The following MKLN1 variants were observed in gnomAD, a reference collection of about 807,000 sequenced individuals.
MKLN1 encodes the protein muskelin.
A neutral mutation model predicts 99.0 loss-of-function variants in MKLN1; 18 were observed. That is an observed-to-expected ratio of 0.18 (90% CI 0.13 to 0.27). MKLN1 has a LOEUF of 0.27. Among genes scored for constraint, MKLN1 ranks in the 10% least tolerant of loss-of-function variants. MKLN1 has a pLI of 1.00. For missense variants in MKLN1, 621 were observed against 875.9 expected, an observed-to-expected ratio of 0.71 and a Z score of 3.67; for synonymous variants, 288 against 293.2, an observed-to-expected ratio of 0.98 and a Z score of 0.18.
chr7:131,221,720 C>T (rs1797063227), intron 3 of MKLN1, among the ~76,000 whole-genome samples: 1 of 148,632 alleles, frequency 6.7e-6, no homozygotes, highest in Non-Finnish European at 1.5e-5. Flanking sequence ...GGGGTTTCAC[C>T]ATGTTGACCA....
intron 1 of MKLN1, among the ~76,000 whole-genome samples, chr7:131,353,705 AGATTT>A (rs1241898394): frequency 6.6e-6 from 1 of 151,680 alleles, no homozygotes; most frequent in East Asian, 1.9e-4. Flanking sequence ...TAGACCGTGA[AGATTT>A]TGTCTTATGT....
At chr7:131,215,293 A>G (rs1204693760) in intron 3 of MKLN1, among the ~76,000 whole-genome samples, 1 of 152,160 alleles carries the variant, frequency 6.6e-6, no homozygotes, top group Non-Finnish European at 1.5e-5. Context: ...AGTGATCCAC[A>G]CACCTCAGCC....
chr7:131,127,549 G>T (rs1040537771), intron 1 of MKLN1, among the ~76,000 whole-genome samples: 1 of 152,206 alleles, frequency 6.6e-6, no homozygotes, highest in African/African-American at 2.4e-5. Context: ...TGGAGACAGG[G>T]GATATGTGTT....
chr7:131,299,878 A>C (rs1438653580), intron 3 of MKLN1, among the ~76,000 whole-genome samples: 3 of 152,220 alleles, frequency 2.0e-5, no homozygotes, highest in Non-Finnish European at 4.4e-5. Flanking sequence ...CTAAAAATAG[A>C]ATGCTATAAA....
chr7:131,144,627 A>G (rs1795790852), intron 2 of MKLN1, among the ~76,000 whole-genome samples: 1 of 152,068 alleles, frequency 6.6e-6, no homozygotes, highest in African/African-American at 2.4e-5. Flanking sequence ...GGTTACAAGT[A>G]CATTTTTGAG....
At chr7:131,285,674 C>A (rs932757249) in intron 3 of MKLN1, among the ~76,000 whole-genome samples, 1 of 152,124 alleles carries the variant, frequency 6.6e-6, no homozygotes, top group Admixed American at 6.5e-5. Flanking sequence ...TCTGTAGATA[C>A]AATAGGGCTG....
At chr7:131,343,192 T>C (rs946383166) in intron 1 of MKLN1, among the ~76,000 whole-genome samples, 1 of 152,224 alleles carries the variant, frequency 6.6e-6, no homozygotes, top group African/African-American at 2.4e-5. Flanking sequence ...ATTTCTTGAA[T>C]GTAGGAATTT....
In MKLN1 at chr7:131,471,118, T is replaced by C; in HGVS notation, c.2031+174T>C. ...AAATAAAAATTGAATAGGCATGTTTTCGTGTGATAAGATTCAAGTCACCAA... is the reference window on the plus strand; with the variant it reads ...AAATAAAAATTGAATAGGCATGTTTCCGTGTGATAAGATTCAAGTCACCAA... On this transcript the variant is annotated intron_variant, in intron 16 of 17. Coordinates refer to ENST00000352689, the MANE Select transcript of MKLN1 (RefSeq NM_013255.5). 5.7e-6 allele frequency: 3 copies of C among 522,854 alleles called. No individual in the cohort carries two copies. In the South Asian group the frequency reaches 7.2e-5, roughly 13 times the overall value. The allele number at this position is 522,854 out of a possible 1,614,324, so 32.4% of individuals were successfully genotyped here. A position where few individuals can be genotyped will look rare whatever the true frequency, so the allele number is the denominator to read the frequency against.
intron 2 of MKLN1, among the ~76,000 whole-genome samples, chr7:131,143,473 A>G (rs571971869): frequency 6.6e-6 from 1 of 152,240 alleles, no homozygotes; most frequent in South Asian, 2.1e-4. Flanking sequence ...CTCAAAAAAA[A>G]GAAAAAATTC....
intron 2 of MKLN1, among the ~76,000 whole-genome samples, chr7:131,378,142 G>C (rs1006472359): frequency 6.6e-6 from 1 of 152,062 alleles, no homozygotes; most frequent in Admixed American, 6.6e-5. Flanking sequence ...ACCGAATTTT[G>C]CTCTTGTCAT....
At chr7:131,345,982 A>C (rs1290651203) in intron 1 of MKLN1, among the ~76,000 whole-genome samples, 2 of 152,232 alleles carry the variant, frequency 1.3e-5, no homozygotes, top group Non-Finnish European at 2.9e-5. Flanking sequence ...AAACCAAAAA[A>C]GTTTAATCTT....
intron 3 of MKLN1, among the ~76,000 whole-genome samples, chr7:131,245,034 G>A (rs1382142308): frequency 6.6e-6 from 1 of 152,154 alleles, no homozygotes; most frequent in Non-Finnish European, 1.5e-5. Flanking sequence ...AATGAGAAAA[G>A]GCTTTACGCC....
intron 2 of MKLN1, among the ~76,000 whole-genome samples, chr7:131,188,251 A>G (rs943681891): frequency 1.3e-5 from 2 of 152,232 alleles, no homozygotes; most frequent in Admixed American, 6.5e-5. Flanking sequence ...GTTGGGGGGA[A>G]GAAGATAATT....
intron 3 of MKLN1, chr7:131,309,736 T>TTC (rs1554549866): frequency 1.4e-4 from 21 of 144,926 alleles, no homozygotes; most frequent in African/African-American, 4.8e-4. Context: ...TTTTTTTTTT[T>TTC]TTTTTTTGAG....
intron 1 of MKLN1, among the ~76,000 whole-genome samples, chr7:131,141,804 C>T (rs1795737113): frequency 6.6e-6 from 1 of 152,182 alleles, no homozygotes. Flanking sequence ...TTCTCTATCA[C>T]AGCTGACTTT....
At chr7:131,473,067 G>A (rs561696539) in intron 16 of MKLN1, among the ~76,000 whole-genome samples, 1 of 151,832 alleles carries the variant, frequency 6.6e-6, no homozygotes, top group Non-Finnish European at 1.5e-5. Context: ...CTGGTCCATA[G>A]TATTAATATT....
chr7:131,305,033 C>T (rs1798433869), intron 3 of MKLN1, among the ~76,000 whole-genome samples: 1 of 152,176 alleles, frequency 6.6e-6, no homozygotes, highest in Non-Finnish European at 1.5e-5. Context: ...GAGGATGCAG[C>T]AACAAGGCGT....
intron 2 of MKLN1, among the ~76,000 whole-genome samples, chr7:131,148,300 G>C (rs1795842930): frequency 6.6e-6 from 1 of 152,168 alleles, no homozygotes; most frequent in African/African-American, 2.4e-5. Flanking sequence ...CACTTACCCT[G>C]CAGCCTTTTG....
At chr7:131,359,455 C>T (rs989697274) in intron 1 of MKLN1, among the ~76,000 whole-genome samples, 1 of 152,088 alleles carries the variant, frequency 6.6e-6, no homozygotes, top group Non-Finnish European at 1.5e-5. Flanking sequence ...GAGAAGAATA[C>T]GTATTCTGCT....
Sources: allele counts gnomAD v4.1 joint callset (sites outside exome capture counted in the v4.1 genomes callset), GRCh38; gene constraint gnomAD v4.1.1; transcripts MANE v1.5; gene names NCBI Gene and HGNC (gene_info 2026-07-23, HGNC 2026-07-21).